The following HSPA4 variants were observed in gnomAD, a reference collection of about 807,000 sequenced individuals.
HSPA4 encodes heat shock protein family A (Hsp70) member 4.
A neutral mutation model predicts 106.2 loss-of-function variants in HSPA4; 25 were observed. The ratio of observed to expected loss-of-function variants is 0.24; its 90% CI spans 0.17 to 0.33. The LOEUF is 0.33. HSPA4 is among the 10% of genes least tolerant of loss of function. The pLI, the probability that HSPA4 is intolerant of heterozygous loss-of-function variation, is 1.00. For synonymous variants in HSPA4, 332 were observed against 333.6 expected, an observed-to-expected ratio of 1.00 and a Z score of 0.05; for missense variants, 841 against 996.0, an observed-to-expected ratio of 0.84 and a Z score of 2.10.
Position 133,103,873 on chromosome 5 carries a change from G to C in HSPA4, c.2166G>C (p.Gln722His). 2 of 1,613,588 alleles carry C rather than the reference G, an allele frequency of 1.2e-6. No individual in the cohort carries two copies. Among genetic ancestry groups the C allele is most frequent in the Non-Finnish European group, 1.7e-6 (2 of 1,179,852 alleles). Residue 722 changes from glutamine to histidine, a missense_variant, in exon 18 of 19, where the codon CAG becomes CAC. Around this residue, in one of 5 missense-constraint regions of HSPA4, gnomAD observed 328 missense variants for 372.2 expected, o/e 0.88. Transcript: ENST00000304858. ...IISSFKNKED[Q>H]YDHLDAADMT... ...CTGTCTCCTGGTTGCAGGAGGACCA[G>C]TATGATCATTTGGATGCTGCTGACA...
chr5:133,092,351 G>C (rs759895337), intron 12 of HSPA4, among the ~76,000 whole-genome samples: 1 of 152,216 alleles, frequency 6.6e-6, no homozygotes, highest in African/African-American at 2.4e-5. Context: ...CTTTGAGGAA[G>C]CCTGGAGAAG....
At chr5:133,073,196 AT>A (rs1561579272) in intron 4 of HSPA4, 33 bp from the exon 5 acceptor site, 1 of 1,345,310 alleles carries the variant, frequency 7.4e-7, no homozygotes, top group Non-Finnish European at 1.0e-6. Flanking sequence ...ATTAGAATCT[AT>A]AATACAGTAA....
intron 7 of HSPA4, among the ~76,000 whole-genome samples, chr5:133,086,130 G>A (rs1244802416): frequency 2.0e-5 from 3 of 152,152 alleles, no homozygotes; most frequent in Non-Finnish European, 4.4e-5. Flanking sequence ...CTGAGCCTGG[G>A]AACTCACTGC....
intron 3 of HSPA4, among the ~76,000 whole-genome samples, chr5:133,070,104 C>T (rs1038864757): frequency 6.6e-6 from 1 of 151,966 alleles, no homozygotes; most frequent in African/African-American, 2.4e-5. Flanking sequence ...GAGGTTAAGT[C>T]TCCAGTGAGC....
At chr5:133,060,003 G>A (rs1765218263) in intron 1 of HSPA4, among the ~76,000 whole-genome samples, 1 of 151,476 alleles carries the variant, frequency 6.6e-6, no homozygotes, top group African/African-American at 2.4e-5. Flanking sequence ...CAATAATTCA[G>A]CCATTGAAGA....
chr5:133,078,451 G>A (rs1032165668), intron 7 of HSPA4, among the ~76,000 whole-genome samples: 7 of 151,466 alleles, frequency 4.6e-5, no homozygotes, highest in South Asian at 4.2e-4. Context: ...CCTAGCCAAC[G>A]AGGTGAAACT....
chr5:133,074,168 GTAAT>G (rs1382647244), intron 6 of HSPA4, 42 bp downstream of exon 6: 1 of 1,368,390 alleles, frequency 7.3e-7, no homozygotes, highest in East Asian at 2.4e-5. Context: ...TAGTAGTATG[GTAAT>G]TATGAAATTT....
In HSPA4 at chr5:133,103,872, A is replaced by C; in HGVS notation, c.2165A>C (p.Gln722Pro). 6.2e-7 allele frequency: 1 copy of C among 1,613,534 alleles called. No individual in the cohort carries two copies. Among genetic ancestry groups the C allele is most frequent in the Non-Finnish European group, 8.5e-7 (1 of 1,179,836 alleles). The change falls in exon 18 of 19, where the codon CAG (glutamine) becomes CCG (proline). Residue 722 changes from glutamine to proline, a missense_variant. Physicochemically the swap from Gln to Pro is moderately conservative, Grantham distance 76 (BLOSUM62 -1). Coordinates refer to ENST00000304858, the MANE Select transcript of HSPA4 (RefSeq NM_002154.4). ...IISSFKNKED[Q>P]YDHLDAADMT... Reference sequence around the variant, plus strand: ...ACTGTCTCCTGGTTGCAGGAGGACCAGTATGATCATTTGGATGCTGCTGAC... The same window carrying C: ...ACTGTCTCCTGGTTGCAGGAGGACCCGTATGATCATTTGGATGCTGCTGAC...
chr5:133,088,369 T>G (rs1212759210), intron 8 of HSPA4, 35 bp from the exon 9 acceptor site: 1 of 1,445,444 alleles, frequency 6.9e-7, no homozygotes, highest in Admixed American at 1.8e-5. Context: ...TTCTTTCATT[T>G]CATTAAAAAA....
At chr5:133,061,833 C>T (rs932952372) in intron 1 of HSPA4, among the ~76,000 whole-genome samples, 1 of 152,042 alleles carries the variant, frequency 6.6e-6, no homozygotes, top group Admixed American at 6.6e-5. Flanking sequence ...AGAGTTTCGC[C>T]ATGTTGGCCA....
At chr5:133,059,511 G>T (rs1376272378) in intron 1 of HSPA4, among the ~76,000 whole-genome samples, 2 of 151,970 alleles carry the variant, frequency 1.3e-5, no homozygotes, top group Non-Finnish European at 2.9e-5. Context: ...TTCTTGGGAG[G>T]CTGAGGTAGG....
At chr5:133,077,760 G>A (rs891921571) in intron 7 of HSPA4, among the ~76,000 whole-genome samples, 12 of 152,092 alleles carry the variant, frequency 7.9e-5, no homozygotes, top group African/African-American at 2.9e-4. Flanking sequence ...TGTATTTGGA[G>A]ACATGGGCCT....
chr5:133,092,756 A>C lies in HSPA4; in HGVS notation c.1617A>C (p.Pro539=). 1 of 1,606,222 alleles carries C rather than the reference A, an allele frequency of 6.2e-7. No homozygotes were observed. The highest frequency in any genetic ancestry group is 2.3e-5 in the East Asian group (1 of 44,188). The change falls in exon 13 of 19, where the codon CCA becomes CCC. Residue 539 remains proline (P), a synonymous_variant. Coordinates refer to ENST00000304858, the MANE Select transcript of HSPA4 (RefSeq NM_002154.4). The part of the protein sequence containing the change: ...PHVEEQQQQT[P]AENKAESEEM... ...TTGAAGAGCAACAGCAGCAGACACC[A>C]GCAGAAAATAAGGCAGAGTCTGAAG... is the stretch of plus-strand genomic sequence containing the variant.
chr5:133,054,643 C>G (rs1765136232), intron 1 of HSPA4, among the ~76,000 whole-genome samples: 1 of 152,184 alleles, frequency 6.6e-6, no homozygotes, highest in Admixed American at 6.5e-5. Flanking sequence ...GCCCTGTGCC[C>G]TTTAGCAGTT....
At chr5:133,074,202 C>G (rs2126702679) in intron 6 of HSPA4, 76 bp downstream of exon 6, 1 of 960,984 alleles carries the variant, frequency 1.0e-6, no homozygotes, top group Non-Finnish European at 1.6e-6. Flanking sequence ...ATGATTTTTT[C>G]TCATCTACAA....
chr5:133,104,004 AAG>A lies in HSPA4; in HGVS notation c.2301_2302del (p.Glu767AspfsTer2). On this transcript the variant is annotated frameshift_variant, in exon 18 of 19. Transcript: ENST00000304858. LOFTEE classifies it high-confidence loss of function. ...ACCATGGATCCAGTTGTCAAGTCAAAAGAGATTGAAGCTAAAATTAAGGTAAT... is the reference window on the plus strand; with the variant it reads ...ACCATGGATCCAGTTGTCAAGTCAAAAGATTGAAGCTAAAATTAAGGTAAT... The A allele has an allele frequency of 6.2e-7, 1 of 1,610,040 alleles. No individual in the cohort carries two copies. The highest frequency in any genetic ancestry group is 8.5e-7 in the Non-Finnish European group (1 of 1,179,044).
intron 16 of HSPA4, 81 bp from the exon 17 acceptor site, chr5:133,101,678 G>A: frequency 1.1e-5 from 14 of 1,302,488 alleles, no homozygotes; most frequent in East Asian, 2.4e-5. Flanking sequence ...GAGATTAAAT[G>A]TACTTTATCA....
intron 15 of HSPA4, among the ~76,000 whole-genome samples, chr5:133,097,780 C>T (rs1189985480): frequency 6.6e-6 from 1 of 151,882 alleles, no homozygotes; most frequent in Non-Finnish European, 1.5e-5. Flanking sequence ...AACTCCTGAC[C>T]TCAGGTGATC....
intron 11 of HSPA4, 32 bp downstream of exon 11, chr5:133,089,727 A>AG (rs1424522329): frequency 2.0e-6 from 3 of 1,482,112 alleles, no homozygotes; most frequent in Admixed American, 5.1e-5. Flanking sequence ...AAAAAAGAAA[A>AG]AAAAAAAAAA....
Sources: gnomAD v4.1 joint callset for allele counts (sites outside exome capture counted in the v4.1 genomes callset) on GRCh38, gnomAD v4.1.1 for gene constraint, gnomAD v4.1.1 regional missense constraint, MANE v1.5 for transcripts, NCBI Gene and HGNC (gene_info 2026-07-23, HGNC 2026-07-21) for gene names.